Variants in BCOR observed in about 807,000 individuals in gnomAD.
BCOR encodes the protein BCL-6 corepressor.
In BCOR, 10 loss-of-function variants were observed where a neutral mutation model predicts 86.7. The observed-to-expected ratio is 0.12, with a 90% CI of 0.07 to 0.20. BCOR has a LOEUF of 0.20. BCOR is among the 10% of genes least tolerant of loss of function. The pLI is 1.00. For synonymous variants in BCOR, 611 were observed against 609.0 expected (o/e 1.00, Z -0.05); for missense variants, 1,259 against 1,452.1 (o/e 0.87, Z 2.16).
chrX:40,104,628 C>G (rs1937135399), intron 1 of BCOR, among the ~76,000 whole-genome samples: 1 of 111,352 alleles, frequency 9.0e-6, no homozygotes, highest in African/African-American at 3.3e-5. Flanking sequence ...ACCCCCTGCC[C>G]CCGACCGGGT....
chrX:40,070,481 C>T (rs1569153312), intron 6 of BCOR, among the ~76,000 whole-genome samples: 1 of 111,811 alleles, frequency 8.9e-6, no homozygotes, highest in East Asian at 2.8e-4. Flanking sequence ...GAAGAGCCCC[C>T]TCATGCATGC....
intron 1 of BCOR, among the ~76,000 whole-genome samples, chrX:40,108,083 C>T (rs1247840339): frequency 8.9e-6 from 1 of 112,959 alleles, no homozygotes; most frequent in Non-Finnish European, 1.9e-5. Flanking sequence ...GGGCCCCAAG[C>T]GCGCCGGATC....
intron 1 of BCOR, among the ~76,000 whole-genome samples, chrX:40,105,125 G>A (rs924248232): frequency 9.0e-6 from 1 of 111,236 alleles, no homozygotes; most frequent in Non-Finnish European, 1.9e-5. Flanking sequence ...CGGCGAGGAG[G>A]GGGTGCTGGG....
At chrX:40,109,744 G>A (rs1461910152) in intron 1 of BCOR, among the ~76,000 whole-genome samples, 1 of 113,062 alleles carries the variant, frequency 8.8e-6, no homozygotes, top group African/African-American at 3.2e-5. Flanking sequence ...CGGGGAGGCC[G>A]CGCGGCGCCG....
chrX:40,175,852 G>T (rs1490189228), intron 1 of BCOR, among the ~76,000 whole-genome samples: 1 of 113,076 alleles, frequency 8.8e-6, no homozygotes, highest in Non-Finnish European at 1.9e-5. Context: ...AACTTTGCAA[G>T]AAGACTGTTC....
At position 40,139,002 on chromosome X, in the gene BCOR, G is replaced by T. The variant is rs147254912; in HGVS notation, c.-41+38005C>A. Among the ~76,000 whole-genome samples, 907 of 110,175 alleles carry T rather than the reference G, an allele frequency of 8.2e-3. 9 individuals carry two copies. The highest frequency in any genetic ancestry group is 0.028 in the African/African-American group (860 of 30,294). On this transcript the variant is annotated intron_variant, in intron 1 of 14. Transcript: ENST00000342274. ...GTCACACAGCTGGTCAAGTTGTAGA[G>T]CCAGGTTTTGAACCCAGACAGTCTG...
At chrX:40,142,803 G>T (rs1354533102) in intron 1 of BCOR, among the ~76,000 whole-genome samples, 2 of 111,665 alleles carry the variant, frequency 1.8e-5, no homozygotes, top group African/African-American at 6.5e-5. Flanking sequence ...GCACTCCAAG[G>T]CTCTGCTGAG....
intron 1 of BCOR, among the ~76,000 whole-genome samples, chrX:40,129,480 C>CAAA (rs35466160): frequency 1.1e-5 from 1 of 89,359 alleles, no homozygotes; most frequent in Non-Finnish European, 2.3e-5. Flanking sequence ...GACTCCGTCT[C>CAAA]AAAAAAAAAA....
intron 1 of BCOR, among the ~76,000 whole-genome samples, chrX:40,118,288 G>A (rs941792781): frequency 4.5e-5 from 5 of 110,156 alleles, no homozygotes; most frequent in Admixed American, 9.7e-5. Flanking sequence ...CTGAGACAGA[G>A]TTTTGCTCTT....
intron 1 of BCOR, among the ~76,000 whole-genome samples, chrX:40,085,233 C>CT (rs1714099118): frequency 8.9e-6 from 1 of 112,575 alleles, no homozygotes; most frequent in African/African-American, 3.2e-5. Context: ...TTATTTTTCT[C>CT]TAATTTGCAT....
chrX:40,112,043 G>A (rs748867301), intron 1 of BCOR, among the ~76,000 whole-genome samples: 44 of 110,201 alleles, frequency 4.0e-4, no homozygotes, highest in Non-Finnish European at 7.0e-4. Flanking sequence ...AGTGGGGGCC[G>A]GGGTGGGGGG....
chrX:40,085,470 G>C (rs1481808212), intron 1 of BCOR, among the ~76,000 whole-genome samples: 1 of 111,628 alleles, frequency 9.0e-6, no homozygotes, highest in East Asian at 2.8e-4. Flanking sequence ...CCAATTTATA[G>C]AACTGGCACC....
At chrX:40,093,955 C>T (rs1445144355) in intron 1 of BCOR, among the ~76,000 whole-genome samples, 1 of 111,359 alleles carries the variant, frequency 9.0e-6, no homozygotes, top group Non-Finnish European at 1.9e-5. Context: ...CATCTAGCAG[C>T]TGCGTTTGGT....
chrX:40,153,231 CGGACCCCCGGTCT>C (rs1226525439), intron 1 of BCOR, among the ~76,000 whole-genome samples: 1 of 112,951 alleles, frequency 8.9e-6, no homozygotes, highest in Non-Finnish European at 1.9e-5. Flanking sequence ...AGAGGGGGCC[CGGACCCCCGGTCT>C]GTGAGGCGTC....
upstream of BCOR, among the ~76,000 whole-genome samples, chrX:40,100,786 G>C (rs1937058879): frequency 9.1e-6 from 1 of 109,668 alleles, no homozygotes; most frequent in East Asian, 2.9e-4. Flanking sequence ...AATGCGAAGG[G>C]GCCGAGGGGA....
intron 1 of BCOR, chrX:40,146,772 C>T (rs1938067048): frequency 8.9e-6 from 1 of 112,441 alleles, no homozygotes; most frequent in Admixed American, 9.2e-5. Flanking sequence ...CGATCACTCT[C>T]ACCCAGAACC....
At chrX:40,126,793 T>A (rs182497699) in intron 1 of BCOR, among the ~76,000 whole-genome samples, 13 of 106,396 alleles carry the variant, frequency 1.2e-4, no homozygotes, top group African/African-American at 4.5e-4. Flanking sequence ...AGGTGGAGGT[T>A]GCAGCGAGCT....
upstream of BCOR, among the ~76,000 whole-genome samples, chrX:40,100,688 A>G (rs373084629): frequency 9.4e-5 from 10 of 105,904 alleles, no homozygotes; most frequent in East Asian, 2.9e-3. Context: ...AACAAGAGCG[A>G]AACTCCGTCT....
intron 6 of BCOR, among the ~76,000 whole-genome samples, chrX:40,066,921 A>AACCCCC (rs1935228319): frequency 2.5e-5 from 1 of 39,373 alleles, no homozygotes; most frequent in East Asian, 1.3e-3. Context: ...TCCCAGAGAC[A>AACCCCC]CCCCCCCCCC....
Sources: allele counts gnomAD v4.1 joint callset (sites outside exome capture counted in the v4.1 genomes callset), GRCh38; gene constraint gnomAD v4.1.1; transcripts MANE v1.5; gene names NCBI Gene and HGNC (gene_info 2026-07-23, HGNC 2026-07-21).